The following TSBP1 variants were observed in gnomAD, a reference collection of about 807,000 sequenced individuals.
The protein encoded by TSBP1 is testis expressed basic protein 1.
A neutral mutation model predicts 68.8 loss-of-function variants in TSBP1; 56 were observed. The ratio of observed to expected loss-of-function variants is 0.81; its 90% CI spans 0.66 to 1.02. The LOEUF (loss-of-function observed/expected upper bound fraction) is 1.02, where lower values mean the gene tolerates loss of function less well. TSBP1 is among the 50% of genes least tolerant of loss of function. The pLI, the probability that TSBP1 is intolerant of heterozygous loss-of-function variation, is 0.00. For synonymous variants in TSBP1, 171 were observed against 208.7 expected (o/e 0.82, Z 1.56); for missense variants, 502 against 641.2 (o/e 0.78, Z 2.34).
intron 6 of TSBP1, among the ~76,000 whole-genome samples, chr6:32,358,463 G>A (rs6457548): frequency 0.52 from 78,133 of 151,572 alleles, 20,680 homozygotes; most frequent in Middle Eastern, 0.6. Context: ...TGTGCACAAC[G>A]TGCAGTTTTG....
chr6:32,318,571 A>G (rs1219450389), intron 18 of TSBP1, among the ~76,000 whole-genome samples: 1 of 152,220 alleles, frequency 6.6e-6, no homozygotes, highest in East Asian at 1.9e-4. Context: ...CCATAAAAAG[A>G]ACTGAAGTAC....
intron 19 of TSBP1, among the ~76,000 whole-genome samples, chr6:32,307,797 CAG>C (rs1224175102): frequency 6.1e-5 from 9 of 146,448 alleles, no homozygotes; most frequent in African/African-American, 2.3e-4. Flanking sequence ...TTTTTTGAGA[CAG>C]AATTTCGCTC....
In TSBP1 at chr6:32,338,123, T is replaced by C. The variant is rs1212943559; in HGVS notation, c.409+856A>G. Among the ~76,000 whole-genome samples, 2 of 152,190 alleles carry C rather than the reference T, an allele frequency of 1.3e-5. No homozygotes were observed. The highest frequency in any genetic ancestry group is 2.9e-5 in the Non-Finnish European group (2 of 68,032). Reference sequence around the variant, plus strand: ...GCAGGGCTGGAAAAGCTGGTTAAATTTGGACCAAGTGCATTCATCTTTTTA... The same window carrying C: ...GCAGGGCTGGAAAAGCTGGTTAAATCTGGACCAAGTGCATTCATCTTTTTA... On this transcript the variant is annotated intron_variant, in intron 11 of 22. Transcript: ENST00000612031. This position sits in a 1 kb window ranked among gnomAD's most constrained non-coding sequence, Gnocchi z 5.5.
intron 6 of TSBP1, 71 bp from the exon 7 acceptor site, chr6:32,355,740 G>A (rs1772238277): frequency 6.5e-7 from 1 of 1,535,486 alleles, no homozygotes; most frequent in South Asian, 1.2e-5. Flanking sequence ...TATCACTACA[G>A]AGGATTACCC....
At position 32,321,056 on chromosome 6, in the gene TSBP1, G is replaced by C. The variant is rs1475456716; in HGVS notation, c.559+2061C>G. Among the ~76,000 whole-genome samples the C allele has an allele frequency of 6.6e-6, 1 of 152,094 alleles. No individual in the cohort carries two copies. The highest frequency in any genetic ancestry group is 2.4e-5 in the African/African-American group (1 of 41,396). On this transcript the variant is annotated intron_variant, in intron 18 of 22. Coordinates refer to ENST00000612031, the Ensembl canonical transcript of TSBP1. The surrounding 1 kb of genome is among the most constrained non-coding windows in gnomAD (Gnocchi z 4.3). ...CTGCGTAGTATTCCATGGTGTATATGTATCACATTTTCTTTATTCAGTCTA... is the reference window on the plus strand; with the variant it reads ...CTGCGTAGTATTCCATGGTGTATATCTATCACATTTTCTTTATTCAGTCTA...
chr6:32,308,370 G>A (rs953877688), intron 19 of TSBP1, among the ~76,000 whole-genome samples: 5 of 150,940 alleles, frequency 3.3e-5, no homozygotes, highest in Non-Finnish European at 5.9e-5. Context: ...AGGCCGAGGC[G>A]GGCGGATCAC....
At chr6:32,368,697 A>T in intron 3 of TSBP1, 85 bp downstream of exon 3, 4 of 1,398,372 alleles carry the variant, frequency 2.9e-6, no homozygotes, top group Non-Finnish European at 4.0e-6. Flanking sequence ...TGGAAACACA[A>T]CTGTAAACAA....
chr6:32,354,629 A>G (rs1203613066), intron 8 of TSBP1, among the ~76,000 whole-genome samples: 1 of 152,140 alleles, frequency 6.6e-6, no homozygotes, highest in Non-Finnish European at 1.5e-5. Context: ...TCTTTGCAGC[A>G]TTATTTGTGA....
At position 32,357,881 on chromosome 6, in the gene TSBP1, G is replaced by A. The variant is rs28732197; in HGVS notation, c.218-2212C>T. ...TATATCTTCAGGACACGTGTGCTAT[G>A]ATTATATAGGTTGGCTCACTGCACA... On this transcript the variant is annotated intron_variant, in intron 6 of 22. Transcript: ENST00000612031. This position sits in a 1 kb window ranked among gnomAD's most constrained non-coding sequence, Gnocchi z 4.7. Among the ~76,000 whole-genome samples, 5,708 of 152,228 alleles carry A rather than the reference G, an allele frequency of 0.037. 131 individuals carry two copies. The highest frequency in any genetic ancestry group is 0.057 in the South Asian group (276 of 4,820).
chr6:32,342,208 AGGTTG>A (rs1770456435), intron 9 of TSBP1, among the ~76,000 whole-genome samples: 1 of 146,588 alleles, frequency 6.8e-6, no homozygotes. Flanking sequence ...TCTGTCACCC[AGGTTG>A]GATGGCAGTG....
rs2179579 is a variant in TSBP1 at position 32,340,957 on chromosome 6, A to G, written c.350-1319T>C. Among the ~76,000 whole-genome samples, 51,034 of 151,880 alleles carry G rather than the reference A, an allele frequency of 0.34. 9,623 individuals are homozygous for G. Among genetic ancestry groups the G allele is most frequent in the Middle Eastern group, 0.52 (153 of 294 alleles). On this transcript the variant is annotated intron_variant, in intron 9 of 22. Coordinates refer to ENST00000612031, the Ensembl canonical transcript of TSBP1. The surrounding 1 kb of genome is among the most constrained non-coding windows in gnomAD (Gnocchi z 4.8). ...ATTACAGGCATGTGCCACCACGCCC[A>G]GCTAATTTTTGTATTTTTAGTAGAG...
chr6:32,327,775 C>T (rs1380747067), intron 16 of TSBP1, among the ~76,000 whole-genome samples: 7 of 147,962 alleles, frequency 4.7e-5, no homozygotes, highest in African/African-American at 1.5e-4. Context: ...GTACCTGCCA[C>T]GAAGTCTGGC....
chr6:32,313,757 A>G (rs201620532), intron 19 of TSBP1, among the ~76,000 whole-genome samples: 74 of 151,742 alleles, frequency 4.9e-4, no homozygotes, highest in Admixed American at 3.7e-3. Flanking sequence ...CAGCTGTTTT[A>G]ACTTGGAATA....
chr6:32,365,962 A>T lies in TSBP1; in HGVS notation c.217+205T>A. Reference sequence around the variant, plus strand: ...CTTTTGTTAAATAATTAGGAGTTGGATAGGAGAGGAATTGCATAGCTTTGG... The same window carrying T: ...CTTTTGTTAAATAATTAGGAGTTGGTTAGGAGAGGAATTGCATAGCTTTGG... On this transcript the variant is annotated intron_variant, in intron 6 of 22. Transcript: ENST00000612031. This position sits in a 1 kb window ranked among gnomAD's most constrained non-coding sequence, Gnocchi z 4.3. The T allele has an allele frequency of 1.4e-6, 1 of 739,124 alleles. No homozygotes were observed. Among genetic ancestry groups the T allele is most frequent in the Non-Finnish European group, 2.4e-6 (1 of 423,964 alleles). The allele number at this position is 739,124 out of a possible 1,614,324, so 45.8% of individuals were successfully genotyped here.
In TSBP1 at chr6:32,338,491, A is replaced by G. The variant is rs117571703; in HGVS notation, c.409+488T>C. On this transcript the variant is annotated intron_variant, in intron 11 of 22. Coordinates refer to ENST00000612031, the Ensembl canonical transcript of TSBP1. This position sits in a 1 kb window ranked among gnomAD's most constrained non-coding sequence, Gnocchi z 5.5. ...AGTGCTTCTTCCAGAGATATATGCT[A>G]CAGTTTCATTTAAAATTCTATCTGG... Among the ~76,000 whole-genome samples the G allele has an allele frequency of 7.0e-3, 1,066 of 152,282 alleles. 19 individuals carry two copies. Among genetic ancestry groups the G allele is most frequent in the East Asian group, 0.02 (102 of 5,188 alleles).
intron 3 of TSBP1, 85 bp from the exon 4 acceptor site, chr6:32,368,042 T>G: frequency 9.5e-7 from 1 of 1,056,448 alleles, no homozygotes; most frequent in Non-Finnish European, 1.5e-6. Flanking sequence ...AATGTAAACA[T>G]GAACTCCTAA....
At position 32,305,011 on chromosome 6, in the gene TSBP1, C is replaced by T. The variant is rs183836877; in HGVS notation, c.581-2382G>A. On this transcript the variant is annotated intron_variant, in intron 19 of 22. Transcript: ENST00000612031. Reference sequence around the variant, plus strand: ...ACTGTGGCAGGGCAGGTCTCGCTAACGCAGGCCTCCATAACAACTGTTTCA... The same window carrying T: ...ACTGTGGCAGGGCAGGTCTCGCTAATGCAGGCCTCCATAACAACTGTTTCA... Among the ~76,000 whole-genome samples, 446 of 152,258 alleles carry T rather than the reference C, an allele frequency of 2.9e-3. 4 individuals are homozygous for T. The highest frequency in any genetic ancestry group is 0.01 in the African/African-American group (425 of 41,540).
rs1258885212 is a variant in TSBP1 at position 32,306,505 on chromosome 6, C to A, written c.581-3876G>T. On this transcript the variant is annotated intron_variant, in intron 19 of 22. Coordinates refer to ENST00000612031, the Ensembl canonical transcript of TSBP1. The surrounding 1 kb of genome is among the most constrained non-coding windows in gnomAD (Gnocchi z 5.1). ...CAATATAATCTGCTTTTCATCCCAC[C>A]AACCCTTGTCTCTCATGTCTGGCTT... 6.6e-6 allele frequency among the ~76,000 whole-genome samples: 1 copy of A among 152,174 alleles called. No homozygotes were observed. The highest frequency in any genetic ancestry group is 6.5e-5 in the Admixed American group (1 of 15,282).
chr6:32,300,775 G>A, intron 20 of TSBP1, 75 bp from the exon 24 acceptor site: 1 of 1,195,868 alleles, frequency 8.4e-7, no homozygotes, highest in Admixed American at 1.7e-5. Context: ...CCTCTGCATT[G>A]AGTGGGATCT....
Sources: gnomAD v4.1 joint callset for allele counts (sites outside exome capture counted in the v4.1 genomes callset) on GRCh38, gnomAD v4.1.1 for gene constraint, Gnocchi (gnomAD v3.1) non-coding constraint, MANE v1.5 for transcripts, NCBI Gene and HGNC (gene_info 2026-07-23, HGNC 2026-07-21) for gene names.